Variants in EPN1 observed in about 807,000 individuals in gnomAD.
EPN1 encodes the protein epsin-1.
Under a neutral mutation model 56.9 loss-of-function variants are expected in EPN1, and 25 were observed. The observed-to-expected ratio is 0.44, with a 90% CI of 0.32 to 0.61. The LOEUF is 0.61. EPN1 is among the 20% of genes least tolerant of loss of function. The pLI, the probability that EPN1 is intolerant of heterozygous loss-of-function variation, is 0.05. For synonymous variants in EPN1, 411 were observed against 361.8 expected (o/e 1.14, Z -1.54); for missense variants, 785 against 823.7 (o/e 0.95, Z 0.58).
At chr19:55,677,168 A>T in intron 1 of EPN1, 1 of 1,551,500 alleles carries the variant, frequency 6.4e-7, no homozygotes. Context: ...TTGGAGCCGC[A>T]TAGATGGGTG....
Position 55,691,703 on chromosome 19 carries a change from C to A in EPN1, c.763-51C>A, listed in dbSNP as rs1986557702. The A allele has an allele frequency of 6.4e-7, 1 of 1,562,932 alleles. No homozygotes were observed. The highest frequency in any genetic ancestry group is 8.7e-7 in the Non-Finnish European group (1 of 1,144,914). On this transcript the variant is annotated intron_variant, in intron 6 of 10. Transcript: ENST00000270460. This position sits in a 1 kb window ranked among gnomAD's most constrained non-coding sequence, Gnocchi z 5.6. ...CACGGGCCCCAGCTTGGTCCCTGTC[C>A]CAGGCTTCCCACCACTTCTTCATGC...
chr19:55,684,746 C>T (rs1167673306), intron 2 of EPN1, among the ~76,000 whole-genome samples: 3 of 152,186 alleles, frequency 2.0e-5, no homozygotes, highest in Non-Finnish European at 4.4e-5. Flanking sequence ...AGTACTAAGA[C>T]CCCCTTCATT....
At position 55,702,592 on chromosome 19, in the gene EPN1, A is replaced by G. The variant is rs909407353; in HGVS notation, c.*7236A>G. On this transcript the variant is annotated 3_prime_UTR_variant, in exon 11 of 11. Coordinates refer to ENST00000270460, the MANE Select transcript of EPN1 (RefSeq NM_001130072.2). ...AGGCTGCTCTTTGTTAGGAGAAGTGATTTCTTTGAACTGCGTGGTGTGGTG... is the reference window on the plus strand; with the variant it reads ...AGGCTGCTCTTTGTTAGGAGAAGTGGTTTCTTTGAACTGCGTGGTGTGGTG... 9 of 152,078 alleles carry G rather than the reference A, an allele frequency of 5.9e-5. No individual in the cohort carries two copies. Among genetic ancestry groups the G allele is most frequent in the African/African-American group, 2.2e-4 (9 of 41,390 alleles). The allele number at this position is 152,078 out of a possible 1,614,324, so 9.4% of individuals were successfully genotyped here.
intron 2 of EPN1, among the ~76,000 whole-genome samples, chr19:55,681,247 C>T (rs755903504): frequency 5.3e-5 from 8 of 152,306 alleles, no homozygotes; most frequent in Non-Finnish European, 1.0e-4. Context: ...GTACCTTGTA[C>T]GTGTAGCACA....
chr19:55,688,766 G>GA lies in EPN1; in HGVS notation c.479-104_479-103insA, dbSNP rs1361694951. On this transcript the variant is annotated intron_variant, in intron 3 of 10. Transcript: ENST00000270460. ...GCAGAGGTTGTAGGGTGGGGGACTT[G>GA]GGGGGTGGGGTTGGACACAGAAGCC... 2.7e-6 allele frequency: 4 copies of GA among 1,485,770 alleles called. No individual in the cohort carries two copies. In the Admixed American group the frequency reaches 6.0e-5, roughly 22 times the overall value. The allele number at this position is 1,485,770 out of a possible 1,614,324, so 92.0% of individuals were successfully genotyped here.
Position 55,699,897 on chromosome 19 carries a change from T to A in EPN1, c.*4541T>A, listed in dbSNP as rs1376907050. On this transcript the variant is annotated 3_prime_UTR_variant, in exon 11 of 11. Coordinates refer to ENST00000270460, the MANE Select transcript of EPN1 (RefSeq NM_001130072.2). ...TTATGTTTCATCCACATTATTTTAG[T>A]ATGGATATTTATAATTTCCTAAAGC... 6.6e-6 allele frequency: 1 copy of A among 152,228 alleles called. No homozygotes were observed. Among genetic ancestry groups the A allele is most frequent in the Non-Finnish European group, 1.5e-5 (1 of 68,056 alleles). The allele number at this position is 152,228 out of a possible 1,614,324, so 9.4% of individuals were successfully genotyped here.
At chr19:55,679,914 C>G (rs1370617178) in intron 2 of EPN1, among the ~76,000 whole-genome samples, 1 of 152,112 alleles carries the variant, frequency 6.6e-6, no homozygotes, top group South Asian at 2.1e-4. Flanking sequence ...CTGGAGGCAA[C>G]GAGGAGGGAT....
Position 55,708,665 on chromosome 19 carries a change from T to G in EPN1, c.*13309T>G. ...GCGTTTAGCACTTGTTTAACGTACT[T>G]GTGCTTCTAAATATCACAAGGCAGG... On this transcript the variant is annotated 3_prime_UTR_variant, in exon 11 of 11. Transcript: ENST00000270460. The G allele has an allele frequency of 1.2e-5, 4 of 338,804 alleles. No homozygotes were observed. The highest frequency in any genetic ancestry group is 4.8e-5 in the Admixed American group (1 of 20,790). 21.0% of individuals were successfully genotyped at this position (338,804 alleles called of 1,614,324 possible). A position where few individuals can be genotyped will look rare whatever the true frequency, so the allele number is the denominator to read the frequency against.
intron 2 of EPN1, among the ~76,000 whole-genome samples, chr19:55,684,891 G>A (rs1348253340): frequency 6.6e-6 from 1 of 152,204 alleles, no homozygotes; most frequent in Non-Finnish European, 1.5e-5. Context: ...TCTTTTATTT[G>A]GATTGAGATG....
rs1987403349 is a variant in EPN1 at position 55,706,251 on chromosome 19, CT to C, written c.*10896del. 6.9e-6 allele frequency: 1 copy of C among 145,774 alleles called. No individual in the cohort carries two copies. The highest frequency in any genetic ancestry group is 1.5e-5 in the Non-Finnish European group (1 of 67,862). The allele number at this position is 145,774 out of a possible 1,614,324, so 9.0% of individuals were successfully genotyped here. ...CTCCTCTTTCTTCTCCTTTTTCCTC[CT>C]CTTTTCTTCCTTTCTTCTCTTTTTC... On this transcript the variant is annotated 3_prime_UTR_variant, in exon 11 of 11. Transcript: ENST00000270460.
intron 1 of EPN1, chr19:55,676,515 T>G (rs966365509): frequency 6.6e-6 from 1 of 152,274 alleles, no homozygotes; most frequent in Admixed American, 6.5e-5. Context: ...TCTCTGTTTT[T>G]TCTCTGATAA....
chr19:55,707,771 T>G lies in EPN1; in HGVS notation c.*12415T>G, dbSNP rs1370663653. On this transcript the variant is annotated 3_prime_UTR_variant, in exon 11 of 11. Coordinates refer to ENST00000270460, the MANE Select transcript of EPN1 (RefSeq NM_001130072.2). ...ACATGGCCGTGGCAAACTCCTTGGT[T>G]CTTCTTTCCACTGGAATCCCCCACA... The G allele has an allele frequency of 5.2e-5, 8 of 154,520 alleles. No homozygotes were observed. The highest frequency in any genetic ancestry group is 1.0e-4 in the Non-Finnish European group (7 of 68,252). 9.6% of individuals were successfully genotyped at this position (154,520 alleles called of 1,614,324 possible). A position where few individuals can be genotyped will look rare whatever the true frequency, so the allele number is the denominator to read the frequency against.
At position 55,691,298 on chromosome 19, in the gene EPN1, G is replaced by A. The variant is rs550260329; in HGVS notation, c.763-456G>A. 2.0e-5 allele frequency among the ~76,000 whole-genome samples: 3 copies of A among 152,206 alleles called. No individual in the cohort carries two copies. The East Asian group carries it at 5.8e-4, about 29-fold the overall frequency. On this transcript the variant is annotated intron_variant, in intron 6 of 10. Coordinates refer to ENST00000270460, the MANE Select transcript of EPN1 (RefSeq NM_001130072.2). This position sits in a 1 kb window ranked among gnomAD's most constrained non-coding sequence, Gnocchi z 5.6. ...AGGTTGACCTGAGTGGGTTCATGGGGGGCTTCCCAGGGGAAGGCATGGAGC... is the reference window on the plus strand; with the variant it reads ...AGGTTGACCTGAGTGGGTTCATGGGAGGCTTCCCAGGGGAAGGCATGGAGC...
At chr19:55,679,152 T>A (rs1171748660) in intron 2 of EPN1, among the ~76,000 whole-genome samples, 1 of 152,216 alleles carries the variant, frequency 6.6e-6, no homozygotes, top group Non-Finnish European at 1.5e-5. Flanking sequence ...GTTCCTTTCC[T>A]CACAGCAGCC....
intron 1 of EPN1, chr19:55,677,104 T>A: frequency 6.5e-7 from 1 of 1,543,968 alleles, no homozygotes; most frequent in Non-Finnish European, 8.8e-7. Flanking sequence ...GTCATCCCTA[T>A]CTCCCCTGGG....
At chr19:55,683,037 G>A (rs1985927907) in intron 2 of EPN1, among the ~76,000 whole-genome samples, 1 of 151,480 alleles carries the variant, frequency 6.6e-6, no homozygotes, top group African/African-American at 2.4e-5. Context: ...TTACAGGTGT[G>A]AGCCACCGCG....
Position 55,691,447 on chromosome 19 carries a change from A to G in EPN1, c.763-307A>G, listed in dbSNP as rs929526485. On this transcript the variant is annotated intron_variant, in intron 6 of 10. Transcript: ENST00000270460. The surrounding 1 kb of genome is among the most constrained non-coding windows in gnomAD (Gnocchi z 5.6). ...CAGGGCCGGGCAAGGACCTGGGAGC[A>G]GGTGGAGTTAAGGGGCTGCCCTGCT... is the stretch of plus-strand genomic sequence containing the variant. 6.7e-6 allele frequency among the ~76,000 whole-genome samples: 1 copy of G among 149,746 alleles called. No individual in the cohort carries two copies. Among genetic ancestry groups the G allele is most frequent in the Non-Finnish European group, 1.5e-5 (1 of 67,452 alleles).
In EPN1 at chr19:55,692,064, G is replaced by A. The variant is rs185413887; in HGVS notation, c.1066+7G>A. ...CCATGGGGAAGTTCCGATGGTGAGT[G>A]CGTGGCCCACTTGCATGCAGCCCCT... On this transcript the variant is annotated splice_region_variant and intron_variant, in intron 7 of 10. Transcript: ENST00000270460. 489 of 1,430,850 alleles carry A rather than the reference G, an allele frequency of 3.4e-4. No homozygotes were observed. The highest frequency in any genetic ancestry group is 4.0e-4 in the Non-Finnish European group (438 of 1,097,854). The allele number at this position is 1,430,850 out of a possible 1,614,324, so 88.6% of individuals were successfully genotyped here. A position where few individuals can be genotyped will look rare whatever the true frequency, so the allele number is the denominator to read the frequency against.
rs1600119933 is a variant in EPN1, at chr19:55,708,737, T to C, written c.*13381T>C. On this transcript the variant is annotated 3_prime_UTR_variant, in exon 11 of 11. Transcript: ENST00000270460. ...GGATATAGGACCGAGGCAAAGACAA[T>C]CAGCATGTACACTGAATCACACTCC... 1 of 476,564 alleles carries C rather than the reference T, an allele frequency of 2.1e-6. No homozygotes were observed. Among genetic ancestry groups the C allele is most frequent in the African/African-American group, 2.0e-5 (1 of 50,522 alleles). The allele number at this position is 476,564 out of a possible 1,614,324, so 29.5% of individuals were successfully genotyped here. A position where few individuals can be genotyped will look rare whatever the true frequency, so the allele number is the denominator to read the frequency against.
Sources: gnomAD v4.1 joint callset for allele counts (sites outside exome capture counted in the v4.1 genomes callset) on GRCh38, gnomAD v4.1.1 for gene constraint, Gnocchi (gnomAD v3.1) non-coding constraint, MANE v1.5 for transcripts, NCBI Gene and HGNC (gene_info 2026-07-23, HGNC 2026-07-21) for gene names.